The following CCDC138 variants were observed in gnomAD, a reference collection of about 807,000 sequenced individuals.
CCDC138 encodes coiled-coil domain containing 138.
Under a neutral mutation model 82.3 loss-of-function variants are expected in CCDC138, and 66 were observed. That is an observed-to-expected ratio of 0.80 (90% CI 0.66 to 0.98). The LOEUF (loss-of-function observed/expected upper bound fraction) is 0.98, where lower values mean the gene tolerates loss of function less well. CCDC138 is among the 50% of genes least tolerant of loss of function. CCDC138 has a pLI of 0.00. For missense variants in CCDC138, 816 were observed against 758.9 expected, an observed-to-expected ratio of 1.08 and a Z score of -0.88; for synonymous variants, 297 against 265.4, an observed-to-expected ratio of 1.12 and a Z score of -1.16.
intron 10 of CCDC138, among the ~76,000 whole-genome samples, chr2:108,832,331 T>C (rs942245499): frequency 5.3e-5 from 8 of 149,564 alleles, no homozygotes; most frequent in African/African-American, 2.0e-4. Context: ...CTGGCCAGAA[T>C]TTGTATTTCT....
chr2:108,815,269 G>T (rs1416228863), intron 9 of CCDC138, among the ~76,000 whole-genome samples: 1 of 151,900 alleles, frequency 6.6e-6, no homozygotes, highest in East Asian at 1.9e-4. Context: ...TTTAATTGTG[G>T]TGATTCATGC....
At chr2:108,880,659 A>G (rs1188251141), downstream of CCDC138, among the ~76,000 whole-genome samples, 1 of 152,136 alleles carries the variant, frequency 6.6e-6, no homozygotes, top group Non-Finnish European at 1.5e-5. Context: ...GTACTCTATA[A>G]ATGGAAGAAC....
intron 12 of CCDC138, among the ~76,000 whole-genome samples, chr2:108,853,907 TTATATAG>T (rs1483892647): frequency 8.3e-6 from 1 of 121,100 alleles, no homozygotes; most frequent in Admixed American, 1.1e-4. Flanking sequence ...ATATTATATA[TTATATAG>T]TATATATATT....
At chr2:108,795,130 G>A (rs1456293922) in intron 5 of CCDC138, among the ~76,000 whole-genome samples, 3 of 133,240 alleles carry the variant, frequency 2.3e-5, no homozygotes, top group African/African-American at 8.1e-5. Flanking sequence ...TGCCTTTCGG[G>A]TTTTTTGTTT....
Position 108,876,106 on chromosome 2 carries a change from T to C in CCDC138, c.1851T>C (p.Phe617=). The C allele has an allele frequency of 6.3e-7, 1 of 1,597,774 alleles. No homozygotes were observed. Among genetic ancestry groups the C allele is most frequent in the Non-Finnish European group, 8.6e-7 (1 of 1,165,876 alleles). The change falls in exon 15 of 15, where the codon TTT becomes TTC. Residue 617 remains phenylalanine, a synonymous_variant. Transcript: ENST00000295124. ...TTTACAGGAGTAATAAGAAGCTCTT[T>C]GAACTTTTTACGATTCATCTGATGC... The part of the protein sequence containing the change: ...LSKIKSNKKL[F]ELFTIHLMLQ...
chr2:108,811,247 C>CTTTTTTTTTTTTTTTTTTTTTTT (rs55661786), intron 7 of CCDC138, among the ~76,000 whole-genome samples: 10 of 113,904 alleles, frequency 8.8e-5, no homozygotes, highest in African/African-American at 3.8e-4. Context: ...TTCTCTCTCT[C>CTTTTTTTTTTTTTTTTTTTTTTT]TTTTTTTTTT....
At chr2:108,870,042 T>A (rs986476486) in intron 13 of CCDC138, among the ~76,000 whole-genome samples, 3 of 152,136 alleles carry the variant, frequency 2.0e-5, no homozygotes, top group African/African-American at 7.2e-5. Flanking sequence ...TGAGAAATAA[T>A]GAAATCAGGG....
intron 14 of CCDC138, 100 bp downstream of exon 14, chr2:108,873,689 G>T: frequency 2.6e-6 from 2 of 760,668 alleles, no homozygotes; most frequent in Non-Finnish European, 2.1e-6. Context: ...GGCCACACTG[G>T]ATGAAGAAGA....
At chr2:108,789,075 G>A (rs1679466671) in intron 3 of CCDC138, 109 bp downstream of exon 3, 1 of 1,110,010 alleles carries the variant, frequency 9.0e-7, no homozygotes, top group Non-Finnish European at 1.3e-6. Context: ...CAAGTATGAG[G>A]ACAAGTATAA....
In CCDC138 at chr2:108,812,922, T is replaced by G; in HGVS notation, c.1036T>G (p.Tyr346Asp). Residue 346 changes from tyrosine to aspartate, a missense_variant, in exon 9 of 15, where the codon TAC (tyrosine) becomes GAC (aspartate). Tyr to Asp is a radical substitution (Grantham distance 160, BLOSUM62 -3). Coordinates refer to ENST00000295124, the MANE Select transcript of CCDC138 (RefSeq NM_144978.3). ...AGAAAAAGCACCAGTTTCAAAAACT[T>G]ACAAGGTAAGTTTGAATTATGATTT... Reference protein sequence around the residue: ...KQEKAPVSKTYKVPLNGQVYE... With the variant: ...KQEKAPVSKTDKVPLNGQVYE... 6.2e-7 allele frequency: 1 copy of G among 1,613,466 alleles called. No homozygotes were observed. The highest frequency in any genetic ancestry group is 8.5e-7 in the Non-Finnish European group (1 of 1,179,658).
rs1453608351 is a variant in CCDC138, at chr2:108,786,905, G to A, written c.83G>A (p.Cys28Tyr). Residue 28 changes from cysteine to tyrosine, a missense_variant, in exon 1 of 15, where the codon TGC becomes TAC. Physicochemically the swap from Cys to Tyr is radical, Grantham distance 194. Coordinates refer to ENST00000295124, the MANE Select transcript of CCDC138 (RefSeq NM_144978.3). ...LKSRYGLGGS[C>Y]PDEYDFSNFY... Reference sequence around the variant, plus strand: ...AGCCGCTACGGACTCGGGGGCAGCTGCCCCGACGAGGTGAAGCCGCCGCCT... The same window carrying A: ...AGCCGCTACGGACTCGGGGGCAGCTACCCCGACGAGGTGAAGCCGCCGCCT... 5.2e-6 allele frequency: 8 copies of A among 1,539,422 alleles called. No homozygotes were observed. The highest frequency in any genetic ancestry group is 5.3e-5 in the East Asian group (2 of 37,870).
At chr2:108,812,783 C>A in intron 8 of CCDC138, 37 bp from the exon 9 acceptor site, 1 of 1,611,496 alleles carries the variant, frequency 6.2e-7, no homozygotes, top group Non-Finnish European at 8.5e-7. Flanking sequence ...CATTTAGATA[C>A]AATTGTTCTT....
intron 12 of CCDC138, among the ~76,000 whole-genome samples, chr2:108,850,041 C>T (rs1164563990): frequency 6.6e-6 from 1 of 152,154 alleles, no homozygotes; most frequent in Non-Finnish European, 1.5e-5. Context: ...CCAGCACATG[C>T]CAGCACCTAG....
intron 13 of CCDC138, among the ~76,000 whole-genome samples, chr2:108,872,621 G>A (rs563734292): frequency 2.4e-3 from 361 of 152,160 alleles, no homozygotes; most frequent in Non-Finnish European, 4.5e-3. Flanking sequence ...GGCATCTTGC[G>A]AGGGCTTCTT....
At position 108,865,050 on chromosome 2, in the gene CCDC138, C is replaced by G. The variant is rs1455708665; in HGVS notation, c.1693+8080C>G. ...CTGCCTTCAGTTACTGTTTCCCTCC[C>G]TGGAGGGAACAACTGCAGACACACA... On this transcript the variant is annotated intron_variant, in intron 13 of 14. Transcript: ENST00000295124. 2.0e-5 allele frequency among the ~76,000 whole-genome samples: 3 copies of G among 152,088 alleles called. No individual in the cohort carries two copies. The East Asian group carries it at 5.8e-4, about 29-fold the overall frequency.
chr2:108,882,952 G>A (rs1034363914), intron 2 of CCDC138: 1 of 152,180 alleles, frequency 6.6e-6, no homozygotes, highest in East Asian at 1.9e-4. Flanking sequence ...ATTAAAGGGT[G>A]TGAGGTAGGG....
intron 7 of CCDC138, among the ~76,000 whole-genome samples, chr2:108,806,616 C>T (rs1682919360): frequency 6.6e-6 from 1 of 152,120 alleles, no homozygotes; most frequent in Admixed American, 6.5e-5. Flanking sequence ...CGAAAACAGC[C>T]ATAGGCAATA....
chr2:108,882,317 CA>C (rs1696314968), intron 1 of CCDC138: 1 of 152,108 alleles, frequency 6.6e-6, no homozygotes, highest in East Asian at 1.9e-4. Flanking sequence ...AGGGTTGCCA[CA>C]AATCTTCAAT....
chr2:108,818,964 A>G (rs1685216802), intron 10 of CCDC138, among the ~76,000 whole-genome samples: 2 of 152,188 alleles, frequency 1.3e-5, no homozygotes, highest in African/African-American at 2.4e-5. Flanking sequence ...ATTCAGTAAC[A>G]TAAGGGTGGA....
Sources: gnomAD v4.1 joint callset for allele counts (sites outside exome capture counted in the v4.1 genomes callset) on GRCh38, gnomAD v4.1.1 for gene constraint, MANE v1.5 for transcripts, NCBI Gene and HGNC (gene_info 2026-07-23, HGNC 2026-07-21) for gene names.